Variants in LRRK1 observed in about 807,000 individuals in gnomAD.
LRRK1 encodes the protein leucine-rich repeat serine/threonine-protein kinase 1.
LRRK1 carries 113 observed loss-of-function variants against 209.1 expected under a neutral mutation model. The observed-to-expected ratio is 0.54, with a 90% CI of 0.46 to 0.63. The LOEUF is 0.63. Among genes scored for constraint, LRRK1 ranks in the 30% least tolerant of loss-of-function variants. The pLI is 0.00. For missense variants in LRRK1, 2,284 were observed against 2,632.2 expected (o/e 0.87, Z 2.89); for synonymous variants, 1,144 against 1,099.7 (o/e 1.04, Z -0.80).
chr15:101,058,788 A>T (rs2035977341), intron 29 of LRRK1, among the ~76,000 whole-genome samples: 1 of 107,384 alleles, frequency 9.3e-6, no homozygotes, highest in African/African-American at 3.6e-5. Context: ...TGCCAGAGTT[A>T]AAAAAAAAAC....
intron 4 of LRRK1, among the ~76,000 whole-genome samples, chr15:100,985,384 A>G (rs1433088996): frequency 1.3e-5 from 2 of 152,158 alleles, no homozygotes; most frequent in Admixed American, 6.5e-5. Context: ...AAGTGCTGAA[A>G]ACTGTGTAGA....
chr15:101,012,784 A>G (rs1482807725), intron 10 of LRRK1, among the ~76,000 whole-genome samples: 2 of 152,180 alleles, frequency 1.3e-5, no homozygotes, highest in African/African-American at 4.8e-5. Flanking sequence ...CAGCATGTGT[A>G]TCCTCAGAGA....
rs112391823 is a variant in LRRK1 at position 100,970,993 on chromosome 15, G to A, written c.98-2811G>A. On this transcript the variant is annotated intron_variant, in intron 2 of 33. Transcript: ENST00000388948. ...AACTGCTATTATGTGATTCATTTTT[G>A]TGAGGTGTATGTTTGTGAGCCAACC... Among the ~76,000 whole-genome samples, 1,103 of 151,948 alleles carry A rather than the reference G, an allele frequency of 7.3e-3. 18 individuals are homozygous for A. The highest frequency in any genetic ancestry group is 0.023 in the African/African-American group (955 of 41,438).
At chr15:100,950,904 C>G (rs1024282366) in intron 2 of LRRK1, among the ~76,000 whole-genome samples, 3 of 152,172 alleles carry the variant, frequency 2.0e-5, no homozygotes, top group Admixed American at 6.5e-5. Context: ...GAGATCGAGA[C>G]CATCCTGGCT....
At chr15:100,950,996 G>A (rs922948474) in intron 2 of LRRK1, among the ~76,000 whole-genome samples, 10 of 152,304 alleles carry the variant, frequency 6.6e-5, no homozygotes, top group Admixed American at 5.9e-4. Context: ...CCAGCTATTT[G>A]GGAGGCTGAG....
chr15:101,063,440 G>A (rs975869063), intron 31 of LRRK1, among the ~76,000 whole-genome samples: 1 of 152,206 alleles, frequency 6.6e-6, no homozygotes, highest in African/African-American at 2.4e-5. Flanking sequence ...CTCAAGACCC[G>A]GGGCCTTGTC....
intron 6 of LRRK1, among the ~76,000 whole-genome samples, chr15:101,004,641 T>C (rs940219861): frequency 6.6e-6 from 1 of 152,112 alleles, no homozygotes; most frequent in Non-Finnish European, 1.5e-5. Flanking sequence ...TAATACAAAG[T>C]GTCTCAAGCT....
intron 2 of LRRK1, among the ~76,000 whole-genome samples, chr15:100,929,347 A>G (rs1430464352): frequency 1.3e-5 from 2 of 152,140 alleles, no homozygotes; most frequent in East Asian, 3.9e-4. Flanking sequence ...CTCTCAGAGC[A>G]CTGCCCACCA....
chr15:101,029,221 C>T lies in LRRK1; in HGVS notation c.2952C>T (p.Val984=), dbSNP rs1232629468. The T allele has an allele frequency of 5.0e-6, 8 of 1,611,210 alleles. No individual in the cohort carries two copies. The highest frequency in any genetic ancestry group is 1.7e-4 in the Middle Eastern group (1 of 6,060). ...CCAAGTTTGAGATCGCCCTGCCCGT[C>T]GCCAATGACAGGTGAGGACACAACT... ...FLAKFEIALP[V]ANDSYLLPHL... is the part of the protein sequence containing the mutation. The change falls in exon 20 of 34, where the codon GTC becomes GTT. Residue 984 remains valine, a synonymous_variant. Coordinates refer to ENST00000388948, the MANE Select transcript of LRRK1 (RefSeq NM_024652.6).
At chr15:101,030,788 C>A (rs1027588098) in intron 20 of LRRK1, among the ~76,000 whole-genome samples, 1 of 152,132 alleles carries the variant, frequency 6.6e-6, no homozygotes, top group East Asian at 1.9e-4. Context: ...CATCAGTTAT[C>A]GGGGTACAGT....
chr15:101,044,042 G>C (rs965177482), intron 20 of LRRK1: 3 of 152,188 alleles, frequency 2.0e-5, no homozygotes, highest in Admixed American at 6.5e-5. Context: ...AGTGGGACAC[G>C]TTTCATCTCA....
intron 20 of LRRK1, among the ~76,000 whole-genome samples, chr15:101,030,635 C>T (rs2034239950): frequency 6.6e-6 from 1 of 152,152 alleles, no homozygotes; most frequent in South Asian, 2.1e-4. Context: ...CCTCCCTGTA[C>T]CCCTGACACC....
At chr15:101,009,319 G>C (rs1486333375) in intron 7 of LRRK1, among the ~76,000 whole-genome samples, 1 of 152,204 alleles carries the variant, frequency 6.6e-6, no homozygotes, top group South Asian at 2.1e-4. Flanking sequence ...TGCTTGTCTT[G>C]GTCCTGCCCA....
intron 1 of LRRK1, among the ~76,000 whole-genome samples, chr15:100,923,573 A>T (rs888877469): frequency 3.3e-5 from 5 of 152,192 alleles, no homozygotes; most frequent in African/African-American, 9.7e-5. Context: ...TGAGCTAGGC[A>T]TGGGTCTTAC....
chr15:100,991,336 A>G (rs1306327202), intron 6 of LRRK1, among the ~76,000 whole-genome samples: 1 of 151,808 alleles, frequency 6.6e-6, no homozygotes, highest in South Asian at 2.1e-4. Flanking sequence ...TTGTTCTTCT[A>G]TTTTGCTCAT....
intron 6 of LRRK1, among the ~76,000 whole-genome samples, chr15:100,994,282 T>A (rs959866847): frequency 1.3e-5 from 2 of 152,172 alleles, no homozygotes; most frequent in Non-Finnish European, 1.5e-5. Flanking sequence ...ACCGCCTAGG[T>A]TTCACATAGA....
intron 2 of LRRK1, among the ~76,000 whole-genome samples, chr15:100,936,009 G>A (rs1283992660): frequency 2.0e-5 from 3 of 152,114 alleles, no homozygotes; most frequent in South Asian, 2.1e-4. Context: ...GCATCACTTC[G>A]GCCACTACCT....
chr15:100,972,609 G>A (rs1048402506), intron 2 of LRRK1, among the ~76,000 whole-genome samples: 3 of 152,076 alleles, frequency 2.0e-5, no homozygotes, highest in Non-Finnish European at 4.4e-5. Context: ...AGTTGTGGTA[G>A]GCATTTTTAG....
At chr15:101,006,063 C>G (rs111968564) in intron 6 of LRRK1, among the ~76,000 whole-genome samples, 1 of 152,118 alleles carries the variant, frequency 6.6e-6, no homozygotes. Flanking sequence ...GTGTACTAAT[C>G]GCAAAGGGTA....
Sources: allele counts gnomAD v4.1 joint callset (sites outside exome capture counted in the v4.1 genomes callset), GRCh38; gene constraint gnomAD v4.1.1; transcripts MANE v1.5; gene names NCBI Gene and HGNC (gene_info 2026-07-23, HGNC 2026-07-21).